CASD1: variants seen among roughly 807,000 people sequenced by gnomAD.
CASD1 encodes CAS1 domain sialic acid O acetyltransferase 1.
A neutral mutation model predicts 100.0 loss-of-function variants in CASD1; 41 were observed. The observed-to-expected ratio is 0.41, with a 90% CI of 0.32 to 0.53. The LOEUF (loss-of-function observed/expected upper bound fraction) is 0.53. Ranked by LOEUF, CASD1 falls within the 20% of genes least tolerant of loss-of-function variation. The probability of loss-of-function intolerance (pLI) is 0.25; values close to 1 mark genes in which losing one functional copy is unlikely to be tolerated. For synonymous variants in CASD1, 321 were observed against 315.6 expected (o/e 1.02, Z -0.18); for missense variants, 774 against 948.7 (o/e 0.82, Z 2.42).
At chr7:94,600,257 A>T in the CASD1 span, 7 of 210,056 alleles carry the variant, frequency 3.3e-5, no homozygotes, top group East Asian at 9.0e-4. Flanking sequence ...AATGATTTCA[A>T]GAGTTTTGAC....
At chr7:94,598,657 G>A in the CASD1 span, 1 of 804,662 alleles carries the variant, frequency 1.2e-6, no homozygotes, top group East Asian at 2.5e-5. Context: ...ATGTCCTTTT[G>A]TTATTTTCTC....
the CASD1 span, among the ~76,000 whole-genome samples, chr7:94,614,459 G>A: frequency 7.2e-5 from 11 of 152,242 alleles, no homozygotes; most frequent in African/African-American, 2.4e-4. Flanking sequence ...AGAAGACAAC[G>A]TCTTACATGG....
chr7:94,619,094 C>A, the CASD1 span: 2 of 690,128 alleles, frequency 2.9e-6, no homozygotes, highest in Non-Finnish European at 5.2e-6. Context: ...ACTTTAAAGG[C>A]TTTCTGTTTA....
the CASD1 span, among the ~76,000 whole-genome samples, chr7:94,569,355 T>C: frequency 6.6e-6 from 1 of 152,210 alleles, no homozygotes; most frequent in African/African-American, 2.4e-5. Flanking sequence ...CCATGCTATA[T>C]AACACCATGT....
the CASD1 span, among the ~76,000 whole-genome samples, chr7:94,594,706 T>C: frequency 6.6e-6 from 1 of 152,136 alleles, no homozygotes; most frequent in Admixed American, 6.6e-5. Context: ...GAGGCGTATC[T>C]GGGAACTCTC....
In CASD1 at chr7:94,555,778, AC is replaced by A. The variant is rs746570632; in HGVS notation, c.*22del. The A allele has an allele frequency of 1.1e-5, 17 of 1,602,934 alleles. No homozygotes were observed. The South Asian group carries it at 1.9e-4, about 18-fold the overall frequency. On this transcript the variant is annotated 3_prime_UTR_variant, in exon 18 of 18. Coordinates refer to ENST00000297273, the MANE Select transcript of CASD1 (RefSeq NM_022900.5). Reference sequence around the variant, plus strand: ...CATTAGGTTCCAAAAATTCTAAAAAACCTAAACTCTTCAGGCTACCTTTGTG... The same window carrying A: ...CATTAGGTTCCAAAAATTCTAAAAAACTAAACTCTTCAGGCTACCTTTGTG...
At chr7:94,579,142 A>G in the CASD1 span, among the ~76,000 whole-genome samples, 29 of 152,006 alleles carry the variant, frequency 1.9e-4, no homozygotes, top group African/African-American at 7.0e-4. Context: ...TAGAACACAA[A>G]AGGTCCTAAG....
intron 13 of CASD1, among the ~76,000 whole-genome samples, chr7:94,548,132 CTG>C (rs1321721552): frequency 2.0e-5 from 3 of 151,762 alleles, no homozygotes; most frequent in Non-Finnish European, 1.5e-5. Flanking sequence ...TCCCAACACT[CTG>C]TGGATACTGC....
chr7:94,606,735 T>A, the CASD1 span, among the ~76,000 whole-genome samples: 4 of 152,062 alleles, frequency 2.6e-5, no homozygotes, highest in African/African-American at 9.7e-5. Flanking sequence ...ATTAACAAAT[T>A]TAAAGGAATG....
chr7:94,531,351 G>A (rs1432014545), intron 5 of CASD1, among the ~76,000 whole-genome samples: 1 of 152,110 alleles, frequency 6.6e-6, no homozygotes, highest in African/African-American at 2.4e-5. Context: ...TCTTGTCAGA[G>A]GAAGATAGCT....
At chr7:94,534,754 A>G (rs1170701550) in intron 7 of CASD1, among the ~76,000 whole-genome samples, 1 of 152,170 alleles carries the variant, frequency 6.6e-6, no homozygotes, top group African/African-American at 2.4e-5. Flanking sequence ...TCTGTTCCAT[A>G]ATCTCTGTTT....
At chr7:94,578,224 G>A in the CASD1 span, among the ~76,000 whole-genome samples, 1 of 152,092 alleles carries the variant, frequency 6.6e-6, no homozygotes, top group Non-Finnish European at 1.5e-5. Flanking sequence ...TACAAACCCA[G>A]AGTAATTTAA....
the CASD1 span, chr7:94,587,512 T>A: frequency 7.7e-7 from 1 of 1,297,112 alleles, no homozygotes; most frequent in Non-Finnish European, 9.7e-7. Context: ...TTTTAGAAAT[T>A]TTCCTTTTAA....
the CASD1 span, among the ~76,000 whole-genome samples, chr7:94,596,175 G>A: frequency 6.6e-6 from 1 of 152,052 alleles, no homozygotes; most frequent in African/African-American, 2.4e-5. Flanking sequence ...CAGTCTTGAT[G>A]GGGTTATGGA....
chr7:94,591,144 C>T, the CASD1 span, among the ~76,000 whole-genome samples: 1 of 152,052 alleles, frequency 6.6e-6, no homozygotes, highest in Non-Finnish European at 1.5e-5. Context: ...GAATTTCACA[C>T]AATGTATTTA....
chr7:94,554,086 A>G (rs1430098036), intron 16 of CASD1: 2 of 154,938 alleles, frequency 1.3e-5, no homozygotes, highest in African/African-American at 4.8e-5. Flanking sequence ...AAGGGAGTCA[A>G]GAGAGGGAAT....
At chr7:94,600,807 C>T in the CASD1 span, 3 of 1,613,008 alleles carry the variant, frequency 1.9e-6, no homozygotes, top group Non-Finnish European at 2.5e-6. Flanking sequence ...GTAAAATCCC[C>T]TCTCCACGAA....
At chr7:94,634,140 G>T in the CASD1 span, among the ~76,000 whole-genome samples, 1 of 152,040 alleles carries the variant, frequency 6.6e-6, no homozygotes. Flanking sequence ...TCTTATAGAT[G>T]CTTTATTAAT....
At chr7:94,554,437 T>C (rs1206181367) in intron 16 of CASD1, 46 bp from the exon 17 acceptor site, 1 of 1,268,566 alleles carries the variant, frequency 7.9e-7, no homozygotes, top group Admixed American at 1.9e-5. Context: ...CAAAATACTT[T>C]TCAATAAAGA....
Sources: gnomAD v4.1 joint callset for allele counts (sites outside exome capture counted in the v4.1 genomes callset) on GRCh38, gnomAD v4.1.1 for gene constraint, MANE v1.5 for transcripts, NCBI Gene and HGNC (gene_info 2026-07-23, HGNC 2026-07-21) for gene names.